The following CNTN3 variants were observed in gnomAD, a reference collection of about 807,000 sequenced individuals.
The protein encoded by CNTN3 is contactin 3.
CNTN3 carries 60 observed loss-of-function variants against 119.1 expected under a neutral mutation model. The ratio of observed to expected loss-of-function variants is 0.50; its 90% CI spans 0.41 to 0.62. The LOEUF is 0.62. Ranked by LOEUF, CNTN3 falls within the 20% of genes least tolerant of loss-of-function variation. The pLI, the probability that CNTN3 is intolerant of heterozygous loss-of-function variation, is 0.00. For synonymous variants in CNTN3, 450 were observed against 438.7 expected, an observed-to-expected ratio of 1.03 and a Z score of -0.32; for missense variants, 1,101 against 1,242.4, an observed-to-expected ratio of 0.89 and a Z score of 1.71.
chr3:74,579,002 G>A (rs745437877), intron 1 of CNTN3, among the ~76,000 whole-genome samples: 2 of 151,818 alleles, frequency 1.3e-5, no homozygotes, highest in Non-Finnish European at 2.9e-5. Flanking sequence ...GCAACTATAT[G>A]CTCTTTACAG....
At chr3:74,395,165 A>G (rs1467640667) in intron 5 of CNTN3, among the ~76,000 whole-genome samples, 2 of 152,126 alleles carry the variant, frequency 1.3e-5, no homozygotes, top group East Asian at 3.9e-4. Flanking sequence ...GCATCACAGG[A>G]CAGGAACATC....
At chr3:74,287,481 T>C (rs887237219) in intron 19 of CNTN3, among the ~76,000 whole-genome samples, 4 of 152,328 alleles carry the variant, frequency 2.6e-5, no homozygotes, top group Admixed American at 1.3e-4. Context: ...ACTCTTTTAA[T>C]AGACAAAAAG....
At chr3:74,527,509 G>T (rs1487189017) in intron 1 of CNTN3, among the ~76,000 whole-genome samples, 1 of 151,792 alleles carries the variant, frequency 6.6e-6, no homozygotes, top group African/African-American at 2.4e-5. Context: ...GATCTTCTCT[G>T]GCAAGACCAA....
chr3:74,424,164 T>C (rs1701658018), intron 5 of CNTN3, among the ~76,000 whole-genome samples: 1 of 152,050 alleles, frequency 6.6e-6, no homozygotes, highest in Non-Finnish European at 1.5e-5. Context: ...AAGTTTGCAA[T>C]AGAGAGCACG....
intron 5 of CNTN3, among the ~76,000 whole-genome samples, chr3:74,424,348 T>A (rs1391559283): frequency 6.6e-6 from 1 of 151,448 alleles, no homozygotes; most frequent in African/African-American, 2.4e-5. Context: ...AACGCCCCAA[T>A]GTAAATGATG....
chr3:74,393,887 T>C (rs1396002604), intron 5 of CNTN3, among the ~76,000 whole-genome samples: 3 of 152,104 alleles, frequency 2.0e-5, no homozygotes, highest in African/African-American at 2.4e-5. Flanking sequence ...GAAAGTTTAA[T>C]AGCAATAAAG....
chr3:74,369,588 G>C (rs1409091295), intron 7 of CNTN3, among the ~76,000 whole-genome samples: 1 of 149,598 alleles, frequency 6.7e-6, no homozygotes, highest in African/African-American at 2.5e-5. Context: ...ACATGATTTC[G>C]AGAAAAAAGC....
At chr3:74,290,908 T>C (rs1192073932) in intron 19 of CNTN3, among the ~76,000 whole-genome samples, 1 of 148,008 alleles carries the variant, frequency 6.8e-6, no homozygotes, top group Non-Finnish European at 1.5e-5. Flanking sequence ...TACTTTTTTA[T>C]TTTTTTTATA....
At chr3:74,530,362 C>T (rs1473387124) in intron 1 of CNTN3, among the ~76,000 whole-genome samples, 3 of 151,854 alleles carry the variant, frequency 2.0e-5, no homozygotes, top group African/African-American at 4.8e-5. Flanking sequence ...GTTCTCACAG[C>T]TCACTCACAT....
chr3:74,412,377 T>C (rs978387905), intron 5 of CNTN3, among the ~76,000 whole-genome samples: 8 of 152,138 alleles, frequency 5.3e-5, no homozygotes, highest in Non-Finnish European at 1.0e-4. Flanking sequence ...GTAAAACAAA[T>C]TTGGAAAACT....
At chr3:74,489,014 A>G (rs1031383853) in intron 3 of CNTN3, among the ~76,000 whole-genome samples, 3 of 152,206 alleles carry the variant, frequency 2.0e-5, no homozygotes, top group African/African-American at 4.8e-5. Context: ...GGGAGCACTC[A>G]TAAACCTTCT....
intron 11 of CNTN3, among the ~76,000 whole-genome samples, chr3:74,339,278 T>C (rs1002819340): frequency 6.6e-6 from 1 of 152,106 alleles, no homozygotes; most frequent in African/African-American, 2.4e-5. Flanking sequence ...GACTATATCC[T>C]AAGCCTGAAC....
chr3:74,548,448 C>A (rs1703944591), intron 1 of CNTN3, among the ~76,000 whole-genome samples: 1 of 152,102 alleles, frequency 6.6e-6, no homozygotes, highest in Non-Finnish European at 1.5e-5. Flanking sequence ...TTAATATAGG[C>A]ATATGGTTTT....
Position 74,420,299 on chromosome 3 carries a change from C to CA in CNTN3, c.454+4545dup, listed in dbSNP as rs1162437057. Among the ~76,000 whole-genome samples, 8 of 152,266 alleles carry CA rather than the reference C, an allele frequency of 5.3e-5. No homozygotes were observed. In the South Asian group the frequency reaches 1.7e-3, roughly 32 times the overall value. ...CAAATGCTCTTATGCAGAGCTGCCC[C>CA]AAGTTGCTGATACTATCTTGTAAAT... On this transcript the variant is annotated intron_variant, in intron 5 of 22. Transcript: ENST00000263665.
chr3:74,433,096 G>T (rs1326451331), intron 4 of CNTN3, among the ~76,000 whole-genome samples: 1 of 152,120 alleles, frequency 6.6e-6, no homozygotes, highest in Non-Finnish European at 1.5e-5. Context: ...TATCGAAATT[G>T]CTACTGCAGT....
intron 2 of CNTN3, among the ~76,000 whole-genome samples, chr3:74,506,505 T>C (rs145061781): frequency 1.3e-5 from 2 of 152,292 alleles, no homozygotes; most frequent in East Asian, 3.9e-4. Flanking sequence ...AAGTACTTCA[T>C]AGCTTTCTGT....
intron 11 of CNTN3, among the ~76,000 whole-genome samples, chr3:74,356,366 G>A (rs1455158494): frequency 6.6e-6 from 1 of 151,918 alleles, no homozygotes; most frequent in Non-Finnish European, 1.5e-5. Flanking sequence ...CTTTCTTCCT[G>A]GAATACTCTT....
At chr3:74,492,093 T>C (rs1398691683) in intron 3 of CNTN3, among the ~76,000 whole-genome samples, 1 of 152,174 alleles carries the variant, frequency 6.6e-6, no homozygotes, top group African/African-American at 2.4e-5. Context: ...TATCATGTTG[T>C]AACACACTTG....
intron 13 of CNTN3, among the ~76,000 whole-genome samples, chr3:74,330,372 T>C: frequency 6.6e-6 from 1 of 150,696 alleles, no homozygotes; most frequent in East Asian, 1.9e-4. Context: ...AAAAAAAAAG[T>C]TTCTATTGAC....
Sources: gnomAD v4.1 joint callset for allele counts (sites outside exome capture counted in the v4.1 genomes callset) on GRCh38, gnomAD v4.1.1 for gene constraint, MANE v1.5 for transcripts, NCBI Gene and HGNC (gene_info 2026-07-23, HGNC 2026-07-21) for gene names.